Variants in STK3 observed in about 807,000 individuals in gnomAD.
The protein encoded by STK3 is serine/threonine kinase 3.
STK3 carries 41 observed loss-of-function variants against 58.0 expected under a neutral mutation model. That is an observed-to-expected ratio of 0.71 (90% confidence interval 0.55 to 0.92). The LOEUF is 0.92. STK3 is among the 40% of genes least tolerant of loss of function. The probability of loss-of-function intolerance (pLI) is 0.00; values close to 1 mark genes in which losing one functional copy is unlikely to be tolerated. For missense variants in STK3, 479 were observed against 602.7 expected, an observed-to-expected ratio of 0.79 and a Z score of 2.15; for synonymous variants, 170 against 191.0, an observed-to-expected ratio of 0.89 and a Z score of 0.91.
intron 6 of STK3, among the ~76,000 whole-genome samples, chr8:98,703,744 C>T (rs958667017): frequency 2.0e-5 from 3 of 152,092 alleles, no homozygotes; most frequent in African/African-American, 7.2e-5. Context: ...CATATCAAGG[C>T]CATAATGCAT....
chr8:98,858,323 T>TATATATATATATATATAGAG (rs1189807446), intron 3 of STK3, among the ~76,000 whole-genome samples: 4 of 16,276 alleles, frequency 2.5e-4, no homozygotes, highest in Non-Finnish European at 3.1e-4. Flanking sequence ...TATATATATA[T>TATATATATATATATATAGAG]AGAGAGAGAG....
At chr8:98,352,033 A>T in the STK3 span, among the ~76,000 whole-genome samples, 2 of 149,204 alleles carry the variant, frequency 1.3e-5, no homozygotes, top group African/African-American at 4.9e-5. Context: ...GCTACCTGGG[A>T]GGCTGAGGCA....
intron 6 of STK3, among the ~76,000 whole-genome samples, chr8:98,633,034 A>G (rs1305619580): frequency 2.0e-5 from 3 of 152,226 alleles, no homozygotes; most frequent in African/African-American, 7.2e-5. Flanking sequence ...AAAATTACAC[A>G]TGCTGCTATC....
At chr8:98,429,226 T>G in intron 3 of STK3, 1 of 1,614,024 alleles carries the variant, frequency 6.2e-7, no homozygotes, top group Non-Finnish European at 8.5e-7. Context: ...TTCTCCCACT[T>G]TTACCGGCGC....
intron 10 of STK3, among the ~76,000 whole-genome samples, chr8:98,486,429 T>C (rs963859909): frequency 3.3e-5 from 5 of 152,222 alleles, no homozygotes; most frequent in Non-Finnish European, 5.9e-5. Flanking sequence ...AAGGTGTGTG[T>C]AAAGCCACTA....
At chr8:98,588,259 G>T (rs1814856758) in intron 7 of STK3, among the ~76,000 whole-genome samples, 1 of 151,952 alleles carries the variant, frequency 6.6e-6, no homozygotes, top group African/African-American at 2.4e-5. Flanking sequence ...TCCATTTTTA[G>T]CGCTTCCTTC....
intron 1 of STK3, among the ~76,000 whole-genome samples, chr8:98,789,661 T>C (rs766250450): frequency 3.3e-5 from 5 of 152,070 alleles, no homozygotes; most frequent in Non-Finnish European, 5.9e-5. Context: ...CTAGAGGAGA[T>C]AGATAAATTC....
the STK3 span, among the ~76,000 whole-genome samples, chr8:98,353,777 G>GTAGTAGATATAGGTATAGGTAGATA: frequency 1.3e-5 from 2 of 152,186 alleles, no homozygotes; most frequent in Admixed American, 6.5e-5. Flanking sequence ...ATAGGTAGAT[G>GTAGTAGATATAGGTATAGGTAGATA]TAGTAGATAT....
At chr8:98,804,991 A>G (rs563199058) in intron 1 of STK3, among the ~76,000 whole-genome samples, 2 of 152,354 alleles carry the variant, frequency 1.3e-5, no homozygotes, top group East Asian at 1.9e-4. Context: ...TAAATGTCCT[A>G]TAAGCCAAAT....
At chr8:98,888,761 A>G (rs1163479652) in intron 1 of STK3, among the ~76,000 whole-genome samples, 5 of 152,232 alleles carry the variant, frequency 3.3e-5, no homozygotes, top group African/African-American at 7.2e-5. Flanking sequence ...AGTCTGTGTT[A>G]GATAGAACCT....
At chr8:98,676,507 G>C (rs1486751972) in intron 6 of STK3, among the ~76,000 whole-genome samples, 1 of 151,944 alleles carries the variant, frequency 6.6e-6, no homozygotes, top group Non-Finnish European at 1.5e-5. Flanking sequence ...CAGCTACCTG[G>C]GAGGCTGAGG....
chr8:98,726,190 G>A (rs887857605), intron 4 of STK3, among the ~76,000 whole-genome samples: 2 of 152,144 alleles, frequency 1.3e-5, no homozygotes, highest in African/African-American at 4.8e-5. Context: ...AAGTAGAACT[G>A]GGAGAAATGC....
downstream of STK3, among the ~76,000 whole-genome samples, chr8:98,451,483 G>A (rs969845546): frequency 9.9e-5 from 15 of 152,274 alleles, no homozygotes; most frequent in Admixed American, 9.8e-4. Context: ...AAAATTCTGT[G>A]AGCAGAAAAG....
chr8:98,387,051 T>C (rs1024900301), intron 1 of STK3, among the ~76,000 whole-genome samples: 1 of 151,512 alleles, frequency 6.6e-6, no homozygotes, highest in Admixed American at 6.7e-5. Context: ...AAATGGAAAA[T>C]AAATAAAACA....
intron 1 of STK3, among the ~76,000 whole-genome samples, chr8:98,384,671 C>T (rs1392506865): frequency 6.6e-6 from 1 of 152,186 alleles, no homozygotes; most frequent in East Asian, 1.9e-4. Flanking sequence ...TGATGATCAC[C>T]TCTACACCTC....
chr8:98,643,730 A>T (rs1200621591), intron 6 of STK3, among the ~76,000 whole-genome samples: 2 of 152,172 alleles, frequency 1.3e-5, no homozygotes, highest in East Asian at 3.9e-4. Flanking sequence ...GAACTTTGTG[A>T]CCAGGCACAG....
intron 6 of STK3, among the ~76,000 whole-genome samples, chr8:98,657,799 A>C (rs1250214874): frequency 6.6e-6 from 1 of 152,062 alleles, no homozygotes; most frequent in African/African-American, 2.4e-5. Flanking sequence ...TAAAGTGAAG[A>C]AACACAGACA....
chr8:98,893,486 G>GAGAAAGAAAGAA lies in STK3; in HGVS notation c.-78-9664_-78-9653dup, dbSNP rs570277403. ...AGAAAGAAAGAAAGAAAGAAAGAAA[G>GAGAAAGAAAGAA]AGAAAGAAAGAAAGAAAGAAAGAAA... On this transcript the variant is annotated intron_variant, in intron 1 of 1. Transcript: ENST00000519420. Among the ~76,000 whole-genome samples the GAGAAAGAAAGAA allele has an allele frequency of 7.1e-3, 305 of 42,914 alleles. 6 individuals are homozygous for GAGAAAGAAAGAA. Among genetic ancestry groups the GAGAAAGAAAGAA allele is most frequent in the African/African-American group, 0.011 (105 of 9,196 alleles). The allele number at this position is 42,914 out of a possible 152,430, so 28.2% of individuals were successfully genotyped here.
At chr8:98,677,383 G>A (rs930785541) in intron 6 of STK3, among the ~76,000 whole-genome samples, 5 of 123,704 alleles carry the variant, frequency 4.0e-5, no homozygotes, top group African/African-American at 6.5e-5. Flanking sequence ...CTTGGCTACC[G>A]AACTTCATTT....
Sources: allele counts gnomAD v4.1 joint callset (sites outside exome capture counted in the v4.1 genomes callset), GRCh38; gene constraint gnomAD v4.1.1; transcripts MANE v1.5; gene names NCBI Gene and HGNC (gene_info 2026-07-23, HGNC 2026-07-21).